The following TRPC6 variants were observed in gnomAD, a reference collection of about 807,000 sequenced individuals.
TRPC6 encodes short transient receptor potential channel 6.
A neutral mutation model predicts 90.7 loss-of-function variants in TRPC6; 55 were observed. The observed-to-expected ratio is 0.61, with a 90% CI of 0.49 to 0.76. The LOEUF (loss-of-function observed/expected upper bound fraction) is 0.76, where lower values mean the gene tolerates loss of function less well. Among genes scored for constraint, TRPC6 ranks in the 30% least tolerant of loss-of-function variants. TRPC6 has a pLI of 0.00. For synonymous variants in TRPC6, 393 were observed against 393.0 expected (o/e 1.00, Z 0.00); for missense variants, 989 against 1,122.7 (o/e 0.88, Z 1.70).
chr11:101,483,129 C>A lies in TRPC6; in HGVS notation c.1330G>T (p.Val444Leu), dbSNP rs1463800772. ...KIMRGPFMKF[V>L]AHAASFTIFL... ...ATGGTGAAGGAGGCTGCGTGTGCTA[C>A]AAACTTCATGAATGGTCCACGCATT... Residue 444 changes from valine (V) to leucine (L), a missense_variant, in exon 5 of 13, where the codon GTA becomes TTA. Physicochemically the swap from Val to Leu is conservative, Grantham distance 32. Around this residue, in one of 4 missense-constraint regions of TRPC6, gnomAD observed 486 missense variants for 591.9 expected, o/e 0.82. Coordinates refer to ENST00000344327, the MANE Select transcript of TRPC6 (RefSeq NM_004621.6). The A allele has an allele frequency of 6.2e-7, 1 of 1,614,028 alleles. No individual in the cohort carries two copies. The highest frequency in any genetic ancestry group is 1.1e-5 in the South Asian group (1 of 91,076).
At chr11:101,564,487 A>G (rs542276624) in intron 1 of TRPC6, among the ~76,000 whole-genome samples, 1 of 152,310 alleles carries the variant, frequency 6.6e-6, no homozygotes, top group Non-Finnish European at 1.5e-5. Flanking sequence ...ATGCTCCAGT[A>G]CATGCTTATA....
chr11:101,498,635 G>T (rs1205315473), intron 2 of TRPC6, among the ~76,000 whole-genome samples: 1 of 152,130 alleles, frequency 6.6e-6, no homozygotes, highest in Non-Finnish European at 1.5e-5. Flanking sequence ...AGAAAAGCAA[G>T]CTATGTATTG....
chr11:101,503,147 A>G (rs1157288976), intron 2 of TRPC6, among the ~76,000 whole-genome samples: 3 of 152,186 alleles, frequency 2.0e-5, no homozygotes, highest in Non-Finnish European at 4.4e-5. Flanking sequence ...GGGAGTTTAG[A>G]GATACCTGTG....
In TRPC6 at chr11:101,479,580, C is replaced by T. The variant is rs535998674; in HGVS notation, c.1511-3046G>A. On this transcript the variant is annotated intron_variant, in intron 5 of 12. Coordinates refer to ENST00000344327, the MANE Select transcript of TRPC6 (RefSeq NM_004621.6). ...ACACCCAACATCTCATCTAAGTAGGCCACTTCTTATTAACATTTCCAGAAA... is the reference window on the plus strand; with the variant it reads ...ACACCCAACATCTCATCTAAGTAGGTCACTTCTTATTAACATTTCCAGAAA... 8.5e-5 allele frequency among the ~76,000 whole-genome samples: 13 copies of T among 152,306 alleles called. No homozygotes were observed. In the South Asian group the frequency reaches 2.7e-3, roughly 32 times the overall value.
At chr11:101,495,526 G>T (rs1859920413) in intron 2 of TRPC6, among the ~76,000 whole-genome samples, 1 of 151,148 alleles carries the variant, frequency 6.6e-6, no homozygotes, top group Non-Finnish European at 1.5e-5. Context: ...AATTAGTGTT[G>T]CTGTGAAGAT....
chr11:101,503,499 C>A (rs928609009), intron 2 of TRPC6, among the ~76,000 whole-genome samples: 16 of 152,246 alleles, frequency 1.1e-4, no homozygotes, highest in Non-Finnish European at 2.2e-4. Flanking sequence ...TTTACCTCTA[C>A]CTGGTAGTTT....
Position 101,551,518 on chromosome 11 carries a change from A to G in TRPC6, c.170+31816T>C, listed in dbSNP as rs1283411373. 2.6e-5 allele frequency among the ~76,000 whole-genome samples: 4 copies of G among 152,068 alleles called. No homozygotes were observed. The East Asian group carries it at 7.7e-4, about 29-fold the overall frequency. Reference sequence around the variant, plus strand: ...AAGAAATAACATTCTTTAGAAAAAAAAACTTGATTCACCAGTGCTTCATGA... The same window carrying G: ...AAGAAATAACATTCTTTAGAAAAAAGAACTTGATTCACCAGTGCTTCATGA... On this transcript the variant is annotated intron_variant, in intron 1 of 12. Transcript: ENST00000344327.
chr11:101,571,629 G>T lies in TRPC6; in HGVS notation c.170+11705C>A, dbSNP rs555158027. 2.0e-5 allele frequency among the ~76,000 whole-genome samples: 3 copies of T among 152,246 alleles called. No individual in the cohort carries two copies. In the South Asian group the frequency reaches 6.2e-4, roughly 32 times the overall value. On this transcript the variant is annotated intron_variant, in intron 1 of 12. Transcript: ENST00000344327. Reference sequence around the variant, plus strand: ...ACCTGACTTCAAACTATACTACAAGGCTACAGTAACCAAAACAGCATGGTA... The same window carrying T: ...ACCTGACTTCAAACTATACTACAAGTCTACAGTAACCAAAACAGCATGGTA...
chr11:101,453,123 G>A lies in TRPC6; in HGVS notation c.2645-17C>T. 1 of 1,591,890 alleles carries A rather than the reference G, an allele frequency of 6.3e-7. No homozygotes were observed. Among genetic ancestry groups the A allele is most frequent in the Non-Finnish European group, 8.5e-7 (1 of 1,175,560 alleles). ...TCAGTTCCCCTTTGAAAGCAAGAGTGATAAGAAGTCAACTATAAATACGCA... is the reference window on the plus strand; with the variant it reads ...TCAGTTCCCCTTTGAAAGCAAGAGTAATAAGAAGTCAACTATAAATACGCA... On this transcript the variant is annotated splice_polypyrimidine_tract_variant and intron_variant, in intron 12 of 12. Coordinates refer to ENST00000344327, the MANE Select transcript of TRPC6 (RefSeq NM_004621.6).
At chr11:101,532,599 T>C (rs1293092808) in intron 1 of TRPC6, among the ~76,000 whole-genome samples, 2 of 152,140 alleles carry the variant, frequency 1.3e-5, no homozygotes, top group African/African-American at 4.8e-5. Flanking sequence ...GAGCGGACAA[T>C]GTAGTGAATT....
intron 10 of TRPC6, among the ~76,000 whole-genome samples, chr11:101,457,547 A>C (rs767407736): frequency 6.6e-6 from 1 of 152,200 alleles, no homozygotes; most frequent in Non-Finnish European, 1.5e-5. Context: ...CTGGGAACAG[A>C]GCAATGAACT....
intron 10 of TRPC6, among the ~76,000 whole-genome samples, chr11:101,458,870 A>C (rs151087560): frequency 7.2e-4 from 109 of 152,364 alleles, no homozygotes; most frequent in Non-Finnish European, 1.2e-3. Context: ...TGAGTGAATC[A>C]GAAATTCACT....
chr11:101,487,951 T>C (rs1859715072), intron 4 of TRPC6, among the ~76,000 whole-genome samples: 1 of 152,136 alleles, frequency 6.6e-6, no homozygotes, highest in Non-Finnish European at 1.5e-5. Context: ...TATGACAAAA[T>C]AATTAGAAAA....
chr11:101,548,265 ATATATATAATTTATATATATAAT>A (rs1861359039), intron 1 of TRPC6, among the ~76,000 whole-genome samples: 1 of 140,684 alleles, frequency 7.1e-6, no homozygotes, highest in Non-Finnish European at 1.5e-5. Context: ...ATATATACAT[ATATATATAATTTATATATATAAT>A]TATATATAAT....
chr11:101,543,189 A>G (rs1481216958), intron 1 of TRPC6, among the ~76,000 whole-genome samples: 1 of 152,108 alleles, frequency 6.6e-6, no homozygotes, highest in Non-Finnish European at 1.5e-5. Context: ...AGAGCTAATA[A>G]AGAAAGACTG....
intron 1 of TRPC6, among the ~76,000 whole-genome samples, chr11:101,538,250 C>A (rs796294921): frequency 1.4e-4 from 22 of 152,194 alleles, no homozygotes; most frequent in African/African-American, 5.1e-4. Context: ...CTTACATCAT[C>A]TTTTTTTAAG....
At chr11:101,519,552 C>G (rs1479630977) in intron 1 of TRPC6, among the ~76,000 whole-genome samples, 1 of 152,048 alleles carries the variant, frequency 6.6e-6, no homozygotes, top group African/African-American at 2.4e-5. Flanking sequence ...TCTCCAATAT[C>G]TGCTTCACCC....
At chr11:101,454,722 A>C (rs905125380) in intron 11 of TRPC6, among the ~76,000 whole-genome samples, 2 of 152,010 alleles carry the variant, frequency 1.3e-5, no homozygotes, top group African/African-American at 2.4e-5. Context: ...TCACTGGTGG[A>C]ATCTGACATG....
At chr11:101,559,034 T>TA (rs1440451637) in intron 1 of TRPC6, among the ~76,000 whole-genome samples, 1 of 152,030 alleles carries the variant, frequency 6.6e-6, no homozygotes, top group African/African-American at 2.4e-5. Flanking sequence ...TATATCAAAC[T>TA]AAAAAGCTTC....
Sources: gnomAD v4.1 joint callset for allele counts (sites outside exome capture counted in the v4.1 genomes callset) on GRCh38, gnomAD v4.1.1 for gene constraint, gnomAD v4.1.1 regional missense constraint, MANE v1.5 for transcripts, NCBI Gene and HGNC (gene_info 2026-07-23, HGNC 2026-07-21) for gene names.